UTP20: variants seen among roughly 807,000 people sequenced by gnomAD.
The protein encoded by UTP20 is small subunit processome component 20 homolog.
In UTP20, 164 loss-of-function variants were observed where a neutral mutation model predicts 329.5. The ratio of observed to expected loss-of-function variants is 0.50; its 90% confidence interval spans 0.44 to 0.57. The LOEUF (loss-of-function observed/expected upper bound fraction) is 0.57. Among genes scored for constraint, UTP20 ranks in the 20% least tolerant of loss-of-function variants. The pLI is 0.00. For missense variants in UTP20, 3,055 were observed against 3,284.2 expected, an observed-to-expected ratio of 0.93 and a Z score of 1.71; for synonymous variants, 1,151 against 1,159.3, an observed-to-expected ratio of 0.99 and a Z score of 0.14.
chr12:101,344,790 G>GTGTTT, intron 36 of UTP20, 40 bp downstream of exon 36: 2 of 1,586,654 alleles, frequency 1.3e-6, no homozygotes, highest in Non-Finnish European at 8.6e-7. Flanking sequence ...GTCTGAGGCT[G>GTGTTT]TGTTTTGTTT....
intron 40 of UTP20, among the ~76,000 whole-genome samples, chr12:101,353,346 G>GA (rs1165344975): frequency 1.3e-5 from 2 of 152,090 alleles, no homozygotes; most frequent in East Asian, 1.9e-4. Flanking sequence ...TTGTATTAGT[G>GA]AAAAAATGTG....
rs1872546148 is a variant in UTP20, at chr12:101,302,490, G to C, written c.1718G>C (p.Ser573Thr). The change falls in exon 15 of 62, where the codon AGT becomes ACT. Residue 573 changes from serine (S) to threonine (T), a missense_variant. Ser to Thr is a moderately conservative substitution (Grantham distance 58). Transcript: ENST00000261637. Reference protein sequence around the residue: ...VLCQAVNTLLSLEESSELLHL... With the variant: ...VLCQAVNTLLTLEESSELLHL... ...TGTCAAGCTGTAAATACTCTACTAAGTTTGGAAGAATCTTCTGAACTTCTT... is the reference window on the plus strand; with the variant it reads ...TGTCAAGCTGTAAATACTCTACTAACTTTGGAAGAATCTTCTGAACTTCTT... 1 of 1,610,870 alleles carries C rather than the reference G, an allele frequency of 6.2e-7. No homozygotes were observed. Among genetic ancestry groups the C allele is most frequent in the Non-Finnish European group, 8.5e-7 (1 of 1,179,292 alleles).
chr12:101,372,393 T>A (rs182155333), intron 51 of UTP20, among the ~76,000 whole-genome samples: 2 of 152,344 alleles, frequency 1.3e-5, no homozygotes, highest in East Asian at 3.9e-4. Context: ...ATCACGAACT[T>A]CTTAAGGGAA....
At chr12:101,287,943 T>G (rs1872012796) in intron 5 of UTP20, among the ~76,000 whole-genome samples, 1 of 152,218 alleles carries the variant, frequency 6.6e-6, no homozygotes, top group Non-Finnish European at 1.5e-5. Context: ...AGCTAAGTGA[T>G]GTCAGAGAAG....
chr12:101,311,674 T>C, intron 19 of UTP20, 45 bp from the exon 20 acceptor site: 1 of 1,508,942 alleles, frequency 6.6e-7, no homozygotes, highest in Non-Finnish European at 9.0e-7. Flanking sequence ...AATCTTAAAA[T>C]GGCCATACCA....
chr12:101,296,569 T>C (rs1593421043), intron 12 of UTP20, among the ~76,000 whole-genome samples: 1 of 60,558 alleles, frequency 1.7e-5, no homozygotes. Flanking sequence ...AGACTTCATC[T>C]CAAAAAAAAA....
chr12:101,286,341 G>A lies in UTP20; in HGVS notation c.347G>A (p.Arg116Gln). The A allele has an allele frequency of 1.2e-6, 2 of 1,608,792 alleles. No individual in the cohort carries two copies. Among genetic ancestry groups the A allele is most frequent in the Non-Finnish European group, 8.5e-7 (1 of 1,177,428 alleles). ...TCCAGTTTGGTTGTACAGTTGGCAC[G>A]AGATCTGCAGATGGATTTCTACCCA... ...PLLDLVVQLA[R>Q]DLQMDFYPHF... The change falls in exon 5 of 62, where the codon CGA becomes CAA. Residue 116 changes from arginine to glutamine, a missense_variant. Arg to Gln is a conservative substitution (Grantham distance 43). Around this residue, in one of 3 missense-constraint regions of UTP20, gnomAD observed 2,445 missense variants for 2,575.5 expected, o/e 0.95. Transcript: ENST00000261637.
chr12:101,325,823 T>C (rs1421823986), intron 25 of UTP20, among the ~76,000 whole-genome samples: 12 of 152,238 alleles, frequency 7.9e-5, no homozygotes. Context: ...AATTCTAGCA[T>C]TCAAGTGGAA....
chr12:101,327,037 T>A (rs1388402566), intron 25 of UTP20, 44 bp from the exon 26 acceptor site: 8 of 1,547,292 alleles, frequency 5.2e-6, no homozygotes, highest in Middle Eastern at 1.7e-4. Flanking sequence ...AACTCATATT[T>A]TAGAATTAAT....
intron 59 of UTP20, 23 bp downstream of exon 59, chr12:101,383,336 C>T: frequency 6.3e-7 from 1 of 1,598,326 alleles, no homozygotes; most frequent in Admixed American, 1.7e-5. Flanking sequence ...CACAGAATGA[C>T]TGACAGTAGT....
At chr12:101,296,630 C>A (rs1429733833) in intron 12 of UTP20, among the ~76,000 whole-genome samples, 3 of 150,536 alleles carry the variant, frequency 2.0e-5, no homozygotes, top group Admixed American at 1.3e-4. Context: ...CGCCTGTAGT[C>A]CTAGGTACTG....
intron 51 of UTP20, 30 bp from the exon 52 acceptor site, chr12:101,372,854 A>C: frequency 6.3e-7 from 1 of 1,577,700 alleles, no homozygotes; most frequent in Non-Finnish European, 8.7e-7. Flanking sequence ...GTGAGATCCA[A>C]ATAATCATCT....
chr12:101,342,952 C>G lies in UTP20; in HGVS notation c.4308C>G (p.Phe1436Leu), dbSNP rs751110666. ...GGCATTTCTTATAGCTTAACGCCTT[C>G]GATCAAAGACATCTTGATGATATCA... is the stretch of plus-strand genomic sequence containing the variant. ...YITDVVKLNAFDQRHLDDINF... is the reference protein window; with the variant it reads ...YITDVVKLNALDQRHLDDINF... Residue 1436 changes from phenylalanine to leucine, a missense_variant, in exon 35 of 62, where the codon TTC becomes TTG. By Grantham distance (22) the Phe-to-Leu change is conservative (BLOSUM62 0). This residue lies in a region of UTP20 where 2,445 missense variants were observed against 2,575.5 expected (regional missense o/e 0.95). Transcript: ENST00000261637. The G allele has an allele frequency of 1.2e-6, 2 of 1,612,952 alleles. No individual in the cohort carries two copies. The highest frequency in any genetic ancestry group is 3.3e-5 in the Admixed American group (2 of 59,836).
At chr12:101,371,908 A>G in intron 51 of UTP20, among the ~76,000 whole-genome samples, 1 of 152,144 alleles carries the variant, frequency 6.6e-6, no homozygotes, top group Non-Finnish European at 1.5e-5. Flanking sequence ...TTATATCTAT[A>G]CATCTGTCAA....
chr12:101,368,047 A>C (rs1210257203), intron 48 of UTP20, 71 bp downstream of exon 48: 1 of 1,095,896 alleles, frequency 9.1e-7, no homozygotes, highest in African/African-American at 1.5e-5. Context: ...CAGAATACCT[A>C]ATGGTTGTAT....
chr12:101,294,541 C>CTTTTTTTT (rs1211436109), intron 11 of UTP20, among the ~76,000 whole-genome samples: 15 of 129,290 alleles, frequency 1.2e-4, no homozygotes, highest in African/African-American at 3.2e-4. Context: ...TCTCGTTTTT[C>CTTTTTTTT]TTTTTTTTTT....
At chr12:101,298,541 G>A (rs1040814130) in intron 12 of UTP20, among the ~76,000 whole-genome samples, 13 of 152,122 alleles carry the variant, frequency 8.5e-5, no homozygotes, top group African/African-American at 2.9e-4. Context: ...ATGGAGGTGG[G>A]TGAGGGTCAA....
intron 27 of UTP20, among the ~76,000 whole-genome samples, chr12:101,332,363 C>T (rs754212394): frequency 3.3e-5 from 5 of 152,160 alleles, no homozygotes; most frequent in African/African-American, 9.6e-5. Context: ...AAATGTCTTT[C>T]GCATTTTCAG....
At chr12:101,332,937 A>G (rs1419064728) in intron 27 of UTP20, among the ~76,000 whole-genome samples, 1 of 152,194 alleles carries the variant, frequency 6.6e-6, no homozygotes, top group Non-Finnish European at 1.5e-5. Context: ...AAAAATTTTA[A>G]AAAAAAGTTT....
Sources: allele counts gnomAD v4.1 joint callset (sites outside exome capture counted in the v4.1 genomes callset), GRCh38; gene constraint gnomAD v4.1.1; regional missense constraint gnomAD v4.1.1; transcripts MANE v1.5; gene names NCBI Gene and HGNC (gene_info 2026-07-23, HGNC 2026-07-21).